Variants in GRK5 observed in about 807,000 individuals in gnomAD.
The protein encoded by GRK5 is G protein-coupled receptor kinase 5, also known as g protein-coupled receptor kinase GRK5.
GRK5 carries 40 observed loss-of-function variants against 78.4 expected under a neutral mutation model. The observed-to-expected ratio is 0.51, with a 90% CI of 0.40 to 0.66. The LOEUF (loss-of-function observed/expected upper bound fraction) is 0.66, where lower values mean the gene tolerates loss of function less well. GRK5 is among the 30% of genes least tolerant of loss of function. GRK5 has a pLI of 0.00. For synonymous variants in GRK5, 289 were observed against 296.8 expected, an observed-to-expected ratio of 0.97 and a Z score of 0.27; for missense variants, 598 against 759.9, an observed-to-expected ratio of 0.79 and a Z score of 2.50.
intron 9 of GRK5, among the ~76,000 whole-genome samples, chr10:119,438,030 G>A (rs546838941): frequency 6.6e-6 from 1 of 152,348 alleles, no homozygotes; most frequent in African/African-American, 2.4e-5. Flanking sequence ...CCTGGAGGTT[G>A]CAGTGAGTCA....
chr10:119,430,252 C>G lies in GRK5; in HGVS notation c.534-123C>G. 2.5e-6 allele frequency: 2 copies of G among 816,262 alleles called. No individual in the cohort carries two copies. 50.6% of individuals were successfully genotyped at this position (816,262 alleles called of 1,614,324 possible). On this transcript the variant is annotated intron_variant, in intron 6 of 15. Transcript: ENST00000392870. The surrounding 1 kb of genome is among the most constrained non-coding windows in gnomAD (Gnocchi z 4.5). ...TCCAGCGATGATTCCTGGGGGGTCCCTGGGGCTGCTGTGGGGCTCCTGGAA... is the reference window on the plus strand; with the variant it reads ...TCCAGCGATGATTCCTGGGGGGTCCGTGGGGCTGCTGTGGGGCTCCTGGAA...
rs1181465518 is a variant in GRK5, at chr10:119,436,589, G to GGGAAGT, written c.739-54_739-49dup. On this transcript the variant is annotated intron_variant, in intron 8 of 15. Transcript: ENST00000392870. ...ACCCCAGCTCCCAGGATCCTGAGGA[G>GGGAAGT]GGAAGTGGAAGTGAGTGGCCATTGT... 7 of 1,515,498 alleles carry GGGAAGT rather than the reference G, an allele frequency of 4.6e-6. No homozygotes were observed. The East Asian group carries it at 1.4e-4, about 29-fold the overall frequency. 93.9% of individuals were successfully genotyped at this position (1,515,498 alleles called of 1,614,324 possible). A position where few individuals can be genotyped will look rare whatever the true frequency, so the allele number is the denominator to read the frequency against.
chr10:119,424,385 G>A (rs1041729647), intron 5 of GRK5, among the ~76,000 whole-genome samples: 1 of 152,136 alleles, frequency 6.6e-6, no homozygotes, highest in African/African-American at 2.4e-5. Flanking sequence ...CTGCCCTGAT[G>A]GCCTAAGACC....
intron 2 of GRK5, among the ~76,000 whole-genome samples, chr10:119,374,885 G>C (rs1046803727): frequency 8.5e-5 from 13 of 152,076 alleles, no homozygotes; most frequent in African/African-American, 3.1e-4. Flanking sequence ...CTTCTACCAC[G>C]ATTGTAAGCT....
chr10:119,255,902 C>G (rs2133759495), intron 1 of GRK5, among the ~76,000 whole-genome samples: 1 of 152,288 alleles, frequency 6.6e-6, no homozygotes, highest in South Asian at 2.1e-4. Context: ...GGAACAACCA[C>G]TTGAGGCAGC....
At chr10:119,394,617 T>G (rs370792605) in intron 3 of GRK5, among the ~76,000 whole-genome samples, 1 of 2,134 alleles carries the variant, frequency 4.7e-4, no homozygotes, top group African/African-American at 2.1e-3. Context: ...ACGTGTATGT[T>G]TGGGTGTGTG....
chr10:119,450,547 C>G (rs964030981), intron 13 of GRK5, among the ~76,000 whole-genome samples: 2 of 152,184 alleles, frequency 1.3e-5, no homozygotes, highest in African/African-American at 2.4e-5. Flanking sequence ...GAAAAGCGCT[C>G]CAGGCCCTGG....
intron 1 of GRK5, among the ~76,000 whole-genome samples, chr10:119,221,514 T>G (rs1848656503): frequency 6.6e-6 from 1 of 152,244 alleles, no homozygotes. Flanking sequence ...TTAGGGGTTA[T>G]CCAGTTCTAA....
intron 4 of GRK5, among the ~76,000 whole-genome samples, chr10:119,397,081 G>A (rs1261607555): frequency 6.6e-6 from 1 of 152,256 alleles, no homozygotes; most frequent in East Asian, 1.9e-4. Flanking sequence ...GCAGATGGAG[G>A]CCTGGCCAAG....
chr10:119,386,108 T>C (rs1451688026), intron 3 of GRK5, among the ~76,000 whole-genome samples: 2 of 152,178 alleles, frequency 1.3e-5, no homozygotes, highest in Admixed American at 1.3e-4. Flanking sequence ...TGGTCTCAAA[T>C]TCCTGGGCTC....
chr10:119,230,455 T>C (rs1848807029), intron 1 of GRK5, among the ~76,000 whole-genome samples: 1 of 152,068 alleles, frequency 6.6e-6, no homozygotes, highest in African/African-American at 2.4e-5. Flanking sequence ...AAGAGCAAAG[T>C]CACGCCTTAG....
chr10:119,247,374 T>C (rs911883759), intron 1 of GRK5, among the ~76,000 whole-genome samples: 1 of 152,182 alleles, frequency 6.6e-6, no homozygotes, highest in African/African-American at 2.4e-5. Flanking sequence ...CCACAGTCGA[T>C]GACTCCCCCT....
intron 1 of GRK5, among the ~76,000 whole-genome samples, chr10:119,219,339 A>G (rs180917273): frequency 7.9e-4 from 121 of 152,272 alleles, no homozygotes; most frequent in East Asian, 7.3e-3. Flanking sequence ...TCAGCCTCCA[A>G]AGTAGCTGGG....
intron 4 of GRK5, among the ~76,000 whole-genome samples, chr10:119,407,833 G>C (rs1454957135): frequency 6.6e-6 from 1 of 152,130 alleles, no homozygotes; most frequent in African/African-American, 2.4e-5. Flanking sequence ...AGACCTACCT[G>C]GGCAACACAG....
rs188068647 is a variant in GRK5, at chr10:119,220,324, A to G, written c.52+12355A>G. ...GATGTCTTCCCTTCAGCAGTATCCA[A>G]TTAGAGGGATTTTTACAAATTAAAG... On this transcript the variant is annotated intron_variant, in intron 1 of 15. Coordinates refer to ENST00000392870, the MANE Select transcript of GRK5 (RefSeq NM_005308.3). Among the ~76,000 whole-genome samples the G allele has an allele frequency of 5.3e-5, 8 of 152,330 alleles. No individual in the cohort carries two copies. The East Asian group carries it at 1.3e-3, about 26-fold the overall frequency.
intron 4 of GRK5, among the ~76,000 whole-genome samples, chr10:119,419,280 C>T (rs1046876805): frequency 2.0e-5 from 3 of 152,320 alleles, no homozygotes; most frequent in East Asian, 3.9e-4. Flanking sequence ...ACGGTGTATC[C>T]GATCTGACAC....
At position 119,322,428 on chromosome 10, in the gene GRK5, G is replaced by A. The variant is rs559331345; in HGVS notation, c.53-4088G>A. ...ATTGCCAAATGTTCCCTGGGAGGCC[G>A]TCGCTGGGGTTGGGAACCACTGAGG... is the stretch of plus-strand genomic sequence containing the variant. On this transcript the variant is annotated intron_variant, in intron 1 of 15. Coordinates refer to ENST00000392870, the MANE Select transcript of GRK5 (RefSeq NM_005308.3). 1.5e-3 allele frequency among the ~76,000 whole-genome samples: 227 copies of A among 152,360 alleles called. 1 individual carries two copies. Among genetic ancestry groups the A allele is most frequent in the African/African-American group, 5.2e-3 (217 of 41,580 alleles).
intron 3 of GRK5, among the ~76,000 whole-genome samples, chr10:119,389,046 G>C (rs988278647): frequency 2.6e-5 from 4 of 152,218 alleles, no homozygotes; most frequent in Admixed American, 2.0e-4. Context: ...GGTTAGCCCT[G>C]TTTCATATGG....
At chr10:119,255,496 G>A (rs78347134) in intron 1 of GRK5, among the ~76,000 whole-genome samples, 3,216 of 152,306 alleles carry the variant, frequency 0.021, 58 homozygotes, top group Admixed American at 0.054. Context: ...AGGCTCTTGT[G>A]TGATTTTCAC....
Sources: allele counts gnomAD v4.1 joint callset (sites outside exome capture counted in the v4.1 genomes callset), GRCh38; gene constraint gnomAD v4.1.1; non-coding constraint Gnocchi (gnomAD v3.1); transcripts MANE v1.5; gene names NCBI Gene and HGNC (gene_info 2026-07-23, HGNC 2026-07-21).